Variants in DENND1B observed in about 807,000 individuals in gnomAD.
DENND1B encodes DENN domain-containing protein 1B.
In DENND1B, 59 loss-of-function variants were observed where a neutral mutation model predicts 90.1. The ratio of observed to expected loss-of-function variants is 0.65; its 90% CI spans 0.53 to 0.81. The LOEUF is 0.81. DENND1B is among the 40% of genes least tolerant of loss of function. The pLI, the probability that DENND1B is intolerant of heterozygous loss-of-function variation, is 0.00. For synonymous variants in DENND1B, 337 were observed against 324.6 expected (o/e 1.04, Z -0.41); for missense variants, 862 against 912.6 (o/e 0.94, Z 0.71).
At chr1:197,732,022 TGA>T (rs1662200573) in intron 2 of DENND1B, among the ~76,000 whole-genome samples, 2 of 152,222 alleles carry the variant, frequency 1.3e-5, no homozygotes, top group Non-Finnish European at 1.5e-5. Context: ...GAAAAAATGC[TGA>T]GATACTGATG....
Position 197,510,767 on chromosome 1 carries a change from G to A in DENND1B, c.2021C>T (p.Ala674Val), listed in dbSNP as rs1008490388. 1 of 1,612,544 alleles carries A rather than the reference G, an allele frequency of 6.2e-7. No individual in the cohort carries two copies. The highest frequency in any genetic ancestry group is 1.7e-5 in the Admixed American group (1 of 59,804). ...TGAAGTAGGGTCACTCACATTGTCA[G>A]CACCGAGGTGCTTGTTACTGTTTTC... The part of the protein sequence containing the change: ...KEENSNKHLG[A>V]DNVSDPTSGL... The change falls in exon 23 of 23, where the codon GCT (alanine) becomes GTT (valine). Residue 674 changes from alanine to valine, a missense_variant. Physicochemically the swap from Ala to Val is moderately conservative, Grantham distance 64. Transcript: ENST00000620048.
intron 3 of DENND1B, among the ~76,000 whole-genome samples, chr1:197,713,687 A>G (rs1660189596): frequency 1.1e-5 from 1 of 92,964 alleles, no homozygotes; most frequent in Non-Finnish European, 2.1e-5. Flanking sequence ...ATACATATGT[A>G]ACTAACCTGC....
At chr1:197,764,134 T>C (rs931117948) in intron 2 of DENND1B, among the ~76,000 whole-genome samples, 6 of 152,208 alleles carry the variant, frequency 3.9e-5, no homozygotes, top group African/African-American at 1.4e-4. Flanking sequence ...CACAGCATAA[T>C]TGTTAAGAGC....
rs565045757 is a variant in DENND1B, at chr1:197,586,385, A to G, written c.1048-3132T>C. Among the ~76,000 whole-genome samples, 5 of 152,310 alleles carry G rather than the reference A, an allele frequency of 3.3e-5. No individual in the cohort carries two copies. The East Asian group carries it at 9.6e-4, about 29-fold the overall frequency. On this transcript the variant is annotated intron_variant, in intron 14 of 22. Transcript: ENST00000620048. Reference sequence around the variant, plus strand: ...TTTATATTGCTTTTTAAATAAATGTATATTTTTTCAGTTTTAATTTCTAAT... The same window carrying G: ...TTTATATTGCTTTTTAAATAAATGTGTATTTTTTCAGTTTTAATTTCTAAT...
rs943053422 is a variant in DENND1B, at chr1:197,507,631, T to G, written c.*2829A>C. 6.6e-6 allele frequency: 1 copy of G among 151,662 alleles called. No homozygotes were observed. Among genetic ancestry groups the G allele is most frequent in the Admixed American group, 6.6e-5 (1 of 15,170 alleles). 9.4% of individuals were successfully genotyped at this position (151,662 alleles called of 1,614,324 possible). ...GTCTTTTTAGTTTATACAATTCTGTTGTATAACAGGTGTTGCTTCTTTGAA... is the reference window on the plus strand; with the variant it reads ...GTCTTTTTAGTTTATACAATTCTGTGGTATAACAGGTGTTGCTTCTTTGAA... On this transcript the variant is annotated 3_prime_UTR_variant, in exon 23 of 23. Transcript: ENST00000620048.
intron 20 of DENND1B, among the ~76,000 whole-genome samples, chr1:197,523,575 C>T (rs1441001981): frequency 6.6e-6 from 1 of 152,110 alleles, no homozygotes; most frequent in Non-Finnish European, 1.5e-5. Context: ...TCAGGGGTTC[C>T]AGGACTGCTG....
intron 13 of DENND1B, among the ~76,000 whole-genome samples, chr1:197,603,340 T>C (rs1476098065): frequency 6.6e-6 from 1 of 151,334 alleles, no homozygotes; most frequent in Non-Finnish European, 1.5e-5. Context: ...AAAGGGACCA[T>C]GGTCTACTGT....
chr1:197,644,873 G>A (rs576762423), intron 9 of DENND1B, among the ~76,000 whole-genome samples: 1 of 152,040 alleles, frequency 6.6e-6, no homozygotes, highest in East Asian at 1.9e-4. Flanking sequence ...AGTATATATT[G>A]AAATACTTTT....
In DENND1B at chr1:197,595,343, A is replaced by C. The variant is rs759937300; in HGVS notation, c.922-10T>G. The C allele has an allele frequency of 1.9e-6, 3 of 1,609,448 alleles. No individual in the cohort carries two copies. The East Asian group carries it at 6.7e-5, about 36-fold the overall frequency. On this transcript the variant is annotated splice_polypyrimidine_tract_variant and intron_variant, in intron 13 of 22. Coordinates refer to ENST00000620048, the MANE Select transcript of DENND1B (RefSeq NM_001195215.2). ...TTTTCAAGGCCGAGACCTGCATGACAGAGAGGAACAGTTAAATTAACACCT... is the reference window on the plus strand; with the variant it reads ...TTTTCAAGGCCGAGACCTGCATGACCGAGAGGAACAGTTAAATTAACACCT...
intron 2 of DENND1B, among the ~76,000 whole-genome samples, chr1:197,729,703 T>G (rs888126211): frequency 6.6e-6 from 1 of 152,174 alleles, no homozygotes; most frequent in East Asian, 1.9e-4. Context: ...GCCCCCATAA[T>G]GTACAGCACA....
At chr1:197,621,516 A>G (rs140545682) in intron 10 of DENND1B, among the ~76,000 whole-genome samples, 166 of 151,566 alleles carry the variant, frequency 1.1e-3, no homozygotes, top group African/African-American at 3.9e-3. Flanking sequence ...CAATTTAATA[A>G]GCCAAGTAAG....
At chr1:197,734,953 A>C in intron 2 of DENND1B, 1 of 985,332 alleles carries the variant, frequency 1.0e-6, no homozygotes, top group Non-Finnish European at 1.2e-6. Context: ...TGGCAAACAA[A>C]AATATTTAAA....
At chr1:197,647,867 A>G (rs1388054202) in intron 7 of DENND1B, among the ~76,000 whole-genome samples, 1 of 151,786 alleles carries the variant, frequency 6.6e-6, no homozygotes, top group African/African-American at 2.4e-5. Context: ...AGAATCACTC[A>G]AAACTGGAGG....
At chr1:197,550,155 A>G (rs1671108705) in intron 16 of DENND1B, among the ~76,000 whole-genome samples, 1 of 152,170 alleles carries the variant, frequency 6.6e-6, no homozygotes, top group Admixed American at 6.6e-5. Context: ...TTTCTGCCAC[A>G]GTGGTCTTTC....
intron 2 of DENND1B, among the ~76,000 whole-genome samples, chr1:197,721,163 G>A (rs1484334461): frequency 5.0e-5 from 7 of 138,898 alleles, no homozygotes; most frequent in African/African-American, 1.4e-4. Flanking sequence ...CCCACCTCCC[G>A]GGTTCATGCC....
intron 20 of DENND1B, among the ~76,000 whole-genome samples, chr1:197,522,299 G>A (rs1285548590): frequency 6.6e-6 from 1 of 152,038 alleles, no homozygotes; most frequent in Non-Finnish European, 1.5e-5. Context: ...AGTTGATTAA[G>A]GGCTGTTATT....
At chr1:197,676,010 T>C (rs1276612669) in intron 3 of DENND1B, among the ~76,000 whole-genome samples, 1 of 141,600 alleles carries the variant, frequency 7.1e-6, no homozygotes, top group East Asian at 2.1e-4. Flanking sequence ...AGGGGACAAG[T>C]CTTTAAACCT....
chr1:197,596,602 A>G (rs906459809), intron 13 of DENND1B, among the ~76,000 whole-genome samples: 4 of 151,794 alleles, frequency 2.6e-5, no homozygotes, highest in African/African-American at 9.7e-5. Context: ...ATGTGCATAC[A>G]TATATATGCA....
At chr1:197,688,303 G>A (rs1399941296) in intron 3 of DENND1B, among the ~76,000 whole-genome samples, 1 of 151,838 alleles carries the variant, frequency 6.6e-6, no homozygotes, top group Non-Finnish European at 1.5e-5. Flanking sequence ...CATTTTTCAT[G>A]GAAATAGAAA....
Sources: gnomAD v4.1 joint callset for allele counts (sites outside exome capture counted in the v4.1 genomes callset) on GRCh38, gnomAD v4.1.1 for gene constraint, MANE v1.5 for transcripts, NCBI Gene and HGNC (gene_info 2026-07-23, HGNC 2026-07-21) for gene names.